SLMAP: variants seen among roughly 807,000 people sequenced by gnomAD.
SLMAP encodes sarcolemma associated protein, also known as sarcolemmal membrane-associated protein.
A neutral mutation model predicts 128.8 loss-of-function variants in SLMAP; 44 were observed. The observed-to-expected ratio is 0.34, with a 90% CI of 0.27 to 0.44. The LOEUF is 0.44. Among genes scored for constraint, SLMAP ranks in the 20% least tolerant of loss-of-function variants. The pLI, the probability that SLMAP is intolerant of heterozygous loss-of-function variation, is 1.00. For missense variants in SLMAP, 787 were observed against 985.3 expected (o/e 0.80, Z 2.69); for synonymous variants, 327 against 348.8 (o/e 0.94, Z 0.70).
intron 24 of SLMAP, 39 bp downstream of exon 24, chr3:57,925,973 C>A: frequency 7.0e-7 from 1 of 1,432,650 alleles, no homozygotes. Context: ...TGTTTGTCCC[C>A]GTCACCTTTT....
intron 2 of SLMAP, among the ~76,000 whole-genome samples, chr3:57,788,725 T>G (rs904063881): frequency 8.5e-5 from 13 of 152,196 alleles, no homozygotes; most frequent in African/African-American, 3.1e-4. Flanking sequence ...CCTCAAATGC[T>G]ACATTATAAG....
chr3:57,906,316 T>TC (rs2096556548), intron 17 of SLMAP, among the ~76,000 whole-genome samples: 1 of 103,198 alleles, frequency 9.7e-6, no homozygotes, highest in Admixed American at 1.1e-4. Context: ...TTTTCTTTTT[T>TC]TTTTTTTTTT....
intron 16 of SLMAP, 68 bp from the exon 17 acceptor site, chr3:57,896,805 T>C: frequency 1.3e-6 from 2 of 1,503,720 alleles, no homozygotes; most frequent in Non-Finnish European, 8.9e-7. Context: ...TTTGTTTTGA[T>C]AACAATAGCT....
intron 23 of SLMAP, among the ~76,000 whole-genome samples, chr3:57,923,290 C>CT (rs1237481258): frequency 1.3e-5 from 2 of 152,220 alleles, no homozygotes; most frequent in East Asian, 1.9e-4. Context: ...GAACTGTCAG[C>CT]TTTTCCCAGA....
Position 57,864,790 on chromosome 3 carries a change from T to G in SLMAP, c.1136-17T>G. 6.4e-7 allele frequency: 1 copy of G among 1,557,736 alleles called. No homozygotes were observed. The highest frequency in any genetic ancestry group is 8.7e-7 in the Non-Finnish European group (1 of 1,151,808). ...ATCTGTGAAATATCTTTTTTTTTTT[T>G]GGACTTTTATTTACAGTACGGTTAG... On this transcript the variant is annotated splice_polypyrimidine_tract_variant and intron_variant, in intron 11 of 24. Coordinates refer to ENST00000671191, the MANE Select transcript of SLMAP (RefSeq NM_001377540.1).
chr3:57,790,662 G>T (rs1249607269), intron 2 of SLMAP, among the ~76,000 whole-genome samples: 1 of 152,198 alleles, frequency 6.6e-6, no homozygotes, highest in Non-Finnish European at 1.5e-5. Context: ...TCAACATTAA[G>T]TAAAAATGAA....
intron 2 of SLMAP, among the ~76,000 whole-genome samples, chr3:57,776,621 G>A (rs192471461): frequency 1.1e-3 from 169 of 148,166 alleles, no homozygotes; most frequent in Middle Eastern, 7.1e-3. Flanking sequence ...CCACCTCTCA[G>A]GTTCAAGTGA....
rs1198468721 is a variant in SLMAP, at chr3:57,806,638, C to T, written c.199-24745C>T. On this transcript the variant is annotated intron_variant, in intron 2 of 24. Coordinates refer to ENST00000671191, the MANE Select transcript of SLMAP (RefSeq NM_001377540.1). The stretch of plus-strand genomic sequence containing the variant: ...TATTTTTAGTAGAGACAGGGTTTCA[C>T]CGTGTTGGCCAGGCTGTTCTCGCAC... 2.0e-5 allele frequency among the ~76,000 whole-genome samples: 3 copies of T among 151,846 alleles called. No homozygotes were observed. The East Asian group carries it at 5.8e-4, about 29-fold the overall frequency.
At chr3:57,921,474 A>G (rs1476748197) in intron 22 of SLMAP, among the ~76,000 whole-genome samples, 1 of 151,962 alleles carries the variant, frequency 6.6e-6, no homozygotes, top group East Asian at 2.0e-4. Flanking sequence ...TAAAAGTACA[A>G]AACATACCAG....
In SLMAP at chr3:57,917,089, A is replaced by C; in HGVS notation, c.2310+12A>C. ...ATGTGCAGAAAGAGGTAAAGCGAAA[A>C]GACATTATGAGCCCAATTATGGTTG... is the stretch of plus-strand genomic sequence containing the variant. On this transcript the variant is annotated intron_variant, in intron 22 of 24. Coordinates refer to ENST00000671191, the MANE Select transcript of SLMAP (RefSeq NM_001377540.1). 3 of 1,613,666 alleles carry C rather than the reference A, an allele frequency of 1.9e-6. No individual in the cohort carries two copies. Among genetic ancestry groups the C allele is most frequent in the Non-Finnish European group, 2.5e-6 (3 of 1,179,768 alleles).
rs750893840 is a variant in SLMAP, at chr3:57,922,972, G to T, written c.2394G>T (p.Glu798Asp). Reference protein sequence around the residue: ...TEQEKQSITDELKQCKNNLKL... With the variant: ...TEQEKQSITDDLKQCKNNLKL... Reference sequence around the variant, plus strand: ...AGGAAAAGCAGTCAATCACAGATGAGCTCAAACAGTGTAAAAACAACCTGA... The same window carrying T: ...AGGAAAAGCAGTCAATCACAGATGATCTCAAACAGTGTAAAAACAACCTGA... Residue 798 changes from glutamate (E) to aspartate (D), a missense_variant, in exon 23 of 25, where the codon GAG becomes GAT. By Grantham distance (45) the Glu-to-Asp change is conservative. Transcript: ENST00000671191. 14 of 1,613,762 alleles carry T rather than the reference G, an allele frequency of 8.7e-6. No homozygotes were observed. Among genetic ancestry groups the T allele is most frequent in the Admixed American group, 3.3e-5 (2 of 60,000 alleles).
At position 57,853,669 on chromosome 3, in the gene SLMAP, C is replaced by T. The variant is rs140620098; in HGVS notation, c.519+3853C>T. Among the ~76,000 whole-genome samples, 275 of 151,810 alleles carry T rather than the reference C, an allele frequency of 1.8e-3. 1 individual carries two copies. Among genetic ancestry groups the T allele is most frequent in the Non-Finnish European group, 2.1e-3 (141 of 67,922 alleles). The stretch of plus-strand genomic sequence containing the variant: ...GTAAAATATATCTTTGGGCTGGGCA[C>T]GGTGGCTATGCCTGTAATCCCAGCA... On this transcript the variant is annotated intron_variant, in intron 6 of 24. Transcript: ENST00000671191.
intron 2 of SLMAP, among the ~76,000 whole-genome samples, chr3:57,798,131 G>C (rs997433715): frequency 6.6e-6 from 1 of 152,150 alleles, no homozygotes; most frequent in African/African-American, 2.4e-5. Context: ...TGGTATGTAA[G>C]CTCCTTTCTA....
intron 13 of SLMAP, among the ~76,000 whole-genome samples, chr3:57,867,971 A>G (rs2095352512): frequency 6.6e-6 from 1 of 152,202 alleles, no homozygotes; most frequent in Admixed American, 6.5e-5. Flanking sequence ...TGTCCGAAAT[A>G]AACATAAGGC....
chr3:57,765,719 G>C (rs1254474657), intron 2 of SLMAP, among the ~76,000 whole-genome samples: 1 of 152,154 alleles, frequency 6.6e-6, no homozygotes, highest in African/African-American at 2.4e-5. Flanking sequence ...GGGTGCTGGT[G>C]TTTGTGAGAA....
intron 17 of SLMAP, chr3:57,901,252 T>C (rs2096373222): frequency 6.6e-6 from 1 of 152,288 alleles, no homozygotes; most frequent in Non-Finnish European, 1.5e-5. Context: ...CACAGCTATG[T>C]TGGAGTGATC....
At chr3:57,779,528 A>T (rs949524610) in intron 2 of SLMAP, among the ~76,000 whole-genome samples, 7 of 151,632 alleles carry the variant, frequency 4.6e-5, no homozygotes, top group Non-Finnish European at 8.8e-5. Context: ...AAAAAAAACA[A>T]AAATAAAATA....
In SLMAP at chr3:57,928,905, C is replaced by G. The variant is rs1166408605; in HGVS notation, c.*1616C>G. The stretch of plus-strand genomic sequence containing the variant: ...TTGTAGAAAATACTGTCATATAGTT[C>G]ATTTCATCATTTTCTGTTGCAGGAA... On this transcript the variant is annotated 3_prime_UTR_variant, in exon 25 of 25. Transcript: ENST00000671191. 6.6e-6 allele frequency: 1 copy of G among 152,536 alleles called. No individual in the cohort carries two copies. Among genetic ancestry groups the G allele is most frequent in the Non-Finnish European group, 1.5e-5 (1 of 67,988 alleles). 9.4% of individuals were successfully genotyped at this position (152,536 alleles called of 1,614,324 possible). A position where few individuals can be genotyped will look rare whatever the true frequency, so the allele number is the denominator to read the frequency against.
In SLMAP at chr3:57,920,600, A is replaced by C. The variant is rs138707153; in HGVS notation, c.2311-2289A>C. Among the ~76,000 whole-genome samples, 470 of 152,316 alleles carry C rather than the reference A, an allele frequency of 3.1e-3. 3 individuals are homozygous for C. Among genetic ancestry groups the C allele is most frequent in the African/African-American group, 9.8e-3 (408 of 41,574 alleles). ...TAGGATATAAGTAGAGAGGAACTGG[A>C]AACTTTCTACCCTCATAAGCTACAT... On this transcript the variant is annotated intron_variant, in intron 22 of 24. Coordinates refer to ENST00000671191, the MANE Select transcript of SLMAP (RefSeq NM_001377540.1).
Sources: allele counts gnomAD v4.1 joint callset (sites outside exome capture counted in the v4.1 genomes callset), GRCh38; gene constraint gnomAD v4.1.1; transcripts MANE v1.5; gene names NCBI Gene and HGNC (gene_info 2026-07-23, HGNC 2026-07-21).